IPCEF1: variants seen among roughly 807,000 people sequenced by gnomAD.
IPCEF1 encodes interaction protein for cytohesin exchange factors 1, also known as interactor protein for cytohesin exchange factors 1.
In IPCEF1, 31 loss-of-function variants were observed where a neutral mutation model predicts 50.9. The ratio of observed to expected loss-of-function variants is 0.61; its 90% CI spans 0.46 to 0.82. IPCEF1 has a LOEUF of 0.82. Among genes scored for constraint, IPCEF1 ranks in the 40% least tolerant of loss-of-function variants. The probability of loss-of-function intolerance (pLI) is 0.00; values close to 1 mark genes in which losing one functional copy is unlikely to be tolerated. For synonymous variants in IPCEF1, 181 were observed against 192.0 expected (o/e 0.94, Z 0.47); for missense variants, 458 against 514.0 (o/e 0.89, Z 1.05).
rs183217252 is a variant in IPCEF1 at position 154,253,821 on chromosome 6, C to T, written c.37-6333G>A. 9.2e-5 allele frequency among the ~76,000 whole-genome samples: 14 copies of T among 152,280 alleles called. No homozygotes were observed. In the East Asian group the frequency reaches 2.7e-3, roughly 29 times the overall value. On this transcript the variant is annotated intron_variant, in intron 3 of 11. Coordinates refer to ENST00000367220, the MANE Select transcript of IPCEF1 (RefSeq NM_001130700.2). ...AGTTTCAGAAATCTTTCCTACATCT[C>T]CTTCTACCTGTTTATTTTTTCTCTT...
At chr6:154,248,458 A>C (rs1781238491) in intron 3 of IPCEF1, among the ~76,000 whole-genome samples, 1 of 152,158 alleles carries the variant, frequency 6.6e-6, no homozygotes. Flanking sequence ...TAGAGAACTC[A>C]GGGGAAAAAA....
intron 9 of IPCEF1, among the ~76,000 whole-genome samples, chr6:154,203,210 T>C (rs1777213592): frequency 6.6e-6 from 1 of 152,062 alleles, no homozygotes; most frequent in Non-Finnish European, 1.5e-5. Flanking sequence ...AGTGCTAGTC[T>C]CTCCTCTCCG....
chr6:154,348,494 G>T (rs2038155), intron 1 of IPCEF1, among the ~76,000 whole-genome samples: 2 of 152,028 alleles, frequency 1.3e-5, no homozygotes, highest in Non-Finnish European at 2.9e-5. Flanking sequence ...TTTAATTGCA[G>T]TGAAATACCT....
intron 1 of IPCEF1, among the ~76,000 whole-genome samples, chr6:154,315,571 C>T (rs546856613): frequency 9.2e-5 from 14 of 152,176 alleles, no homozygotes; most frequent in African/African-American, 2.9e-4. Context: ...TTTGTGGTAA[C>T]GATCACAGAT....
chr6:154,343,107 C>T (rs896940654), intron 1 of IPCEF1, among the ~76,000 whole-genome samples: 5 of 152,188 alleles, frequency 3.3e-5, no homozygotes, highest in Admixed American at 2.0e-4. Flanking sequence ...AAGAGCCAGA[C>T]GCTATAAAAG....
chr6:154,155,067 A>G lies in IPCEF1; in HGVS notation c.*4761T>C, dbSNP rs1798658133. On this transcript the variant is annotated 3_prime_UTR_variant, in exon 12 of 12. Coordinates refer to ENST00000367220, the MANE Select transcript of IPCEF1 (RefSeq NM_001130700.2). Reference sequence around the variant, plus strand: ...GAATCCATTATTTTCAATGTTTTCTATGTGGTTCTGGGGTCATGTGGGAAA... The same window carrying G: ...GAATCCATTATTTTCAATGTTTTCTGTGTGGTTCTGGGGTCATGTGGGAAA... The G allele has an allele frequency of 6.6e-6, 1 of 152,124 alleles. No homozygotes were observed. Among genetic ancestry groups the G allele is most frequent in the Admixed American group, 6.6e-5 (1 of 15,254 alleles). The allele number at this position is 152,124 out of a possible 1,614,324, so 9.4% of individuals were successfully genotyped here. A position where few individuals can be genotyped will look rare whatever the true frequency, so the allele number is the denominator to read the frequency against.
intron 2 of IPCEF1, among the ~76,000 whole-genome samples, chr6:154,276,091 G>C (rs1313573592): frequency 1.3e-5 from 2 of 152,104 alleles, no homozygotes; most frequent in African/African-American, 4.8e-5. Context: ...GGCTGAAGCA[G>C]GAGAATCGCT....
chr6:154,332,848 G>A (rs1427321334), intron 1 of IPCEF1, among the ~76,000 whole-genome samples: 1 of 152,184 alleles, frequency 6.6e-6, no homozygotes, highest in African/African-American at 2.4e-5. Flanking sequence ...AAAGCTGTCA[G>A]TAAAAATATG....
At chr6:154,339,886 C>T (rs1392632042) in intron 1 of IPCEF1, among the ~76,000 whole-genome samples, 1 of 151,848 alleles carries the variant, frequency 6.6e-6, no homozygotes, top group East Asian at 1.9e-4. Context: ...CATGAGCCGC[C>T]GCTCCTGGCC....
At chr6:154,252,298 G>A (rs1475720809) in intron 3 of IPCEF1, among the ~76,000 whole-genome samples, 3 of 152,172 alleles carry the variant, frequency 2.0e-5, no homozygotes, top group Non-Finnish European at 2.9e-5. Flanking sequence ...AGGCAGGAGA[G>A]AAGGTTGTCG....
intron 9 of IPCEF1, among the ~76,000 whole-genome samples, chr6:154,203,664 C>A (rs924085805): frequency 7.2e-5 from 11 of 152,116 alleles, no homozygotes; most frequent in Admixed American, 2.0e-4. Flanking sequence ...CCCACAGATA[C>A]CAAGGGATGA....
intron 5 of IPCEF1, among the ~76,000 whole-genome samples, chr6:154,243,091 T>A (rs891932444): frequency 1.3e-5 from 2 of 152,122 alleles, no homozygotes; most frequent in African/African-American, 4.8e-5. Flanking sequence ...AAACAGCATA[T>A]GCGAAGGCTT....
intron 10 of IPCEF1, among the ~76,000 whole-genome samples, chr6:154,189,628 C>T (rs540069144): frequency 2.2e-4 from 34 of 152,116 alleles, no homozygotes; most frequent in Non-Finnish European, 3.4e-4. Flanking sequence ...ATGGTATTAC[C>T]CAGATTTGAT....
intron 2 of IPCEF1, among the ~76,000 whole-genome samples, chr6:154,282,159 A>C (rs1347649259): frequency 6.6e-6 from 1 of 151,964 alleles, no homozygotes; most frequent in Non-Finnish European, 1.5e-5. Flanking sequence ...ACAGAGCAAG[A>C]CTCTGTCTCA....
chr6:154,309,644 C>G (rs535806112), intron 1 of IPCEF1, among the ~76,000 whole-genome samples: 8 of 152,214 alleles, frequency 5.3e-5, no homozygotes, highest in African/African-American at 1.9e-4. Flanking sequence ...TTTCATCTGC[C>G]CTGTATCTTT....
At chr6:154,267,501 C>G (rs1344867056) in intron 2 of IPCEF1, among the ~76,000 whole-genome samples, 1 of 152,198 alleles carries the variant, frequency 6.6e-6, no homozygotes, top group Non-Finnish European at 1.5e-5. Flanking sequence ...TGGGTTGTCG[C>G]TCTTCTGGCC....
intron 1 of IPCEF1, among the ~76,000 whole-genome samples, chr6:154,308,561 T>C (rs1318669728): frequency 6.6e-6 from 1 of 152,230 alleles, no homozygotes; most frequent in African/African-American, 2.4e-5. Flanking sequence ...GTATTCTTTA[T>C]ATTAATTTCA....
At chr6:154,235,857 G>A (rs1213759567) in intron 5 of IPCEF1, among the ~76,000 whole-genome samples, 1 of 152,190 alleles carries the variant, frequency 6.6e-6, no homozygotes, top group African/African-American at 2.4e-5. Context: ...GTACCTCACA[G>A]CCATTAGGAT....
chr6:154,154,755 A>G lies in IPCEF1; in HGVS notation c.*5073T>C, dbSNP rs1798644598. 1 of 152,520 alleles carries G rather than the reference A, an allele frequency of 6.6e-6. No homozygotes were observed. The highest frequency in any genetic ancestry group is 1.5e-5 in the Non-Finnish European group (1 of 68,034). The allele number at this position is 152,520 out of a possible 1,614,324, so 9.4% of individuals were successfully genotyped here. On this transcript the variant is annotated 3_prime_UTR_variant, in exon 12 of 12. Transcript: ENST00000367220. ...ATTTTTATTTTTATCTTACAAGTCA[A>G]CCTCAAAAACATAAAGCAGGAGAGA...
Sources: allele counts gnomAD v4.1 joint callset (sites outside exome capture counted in the v4.1 genomes callset), GRCh38; gene constraint gnomAD v4.1.1; transcripts MANE v1.5; gene names NCBI Gene and HGNC (gene_info 2026-07-23, HGNC 2026-07-21).